AGBL4: variants seen among roughly 807,000 people sequenced by gnomAD.
AGBL4 encodes AGBL carboxypeptidase 4, also known as cytosolic carboxypeptidase 6.
A neutral mutation model predicts 66.4 loss-of-function variants in AGBL4; 58 were observed. The observed-to-expected ratio is 0.87, with a 90% confidence interval of 0.71 to 1.09. The LOEUF (loss-of-function observed/expected upper bound fraction) is 1.09. AGBL4 is among the 50% of genes least tolerant of loss of function. The pLI is 0.00. For synonymous variants in AGBL4, 234 were observed against 222.9 expected, an observed-to-expected ratio of 1.05 and a Z score of -0.44; for missense variants, 579 against 631.0, an observed-to-expected ratio of 0.92 and a Z score of 0.88.
At chr1:49,395,827 A>G (rs182290991) in intron 3 of AGBL4, among the ~76,000 whole-genome samples, 7,652 of 91,964 alleles carry the variant, frequency 0.083, 717 homozygotes, top group African/African-American at 0.28. Context: ...ATATATATAT[A>G]TGTGTATATA....
At chr1:49,576,624 G>T (rs183060151) in intron 3 of AGBL4, among the ~76,000 whole-genome samples, 8 of 152,308 alleles carry the variant, frequency 5.3e-5, no homozygotes, top group African/African-American at 1.9e-4. Flanking sequence ...TAGCCATAAA[G>T]TGGGTCATGC....
chr1:49,768,427 T>A (rs1011839004), intron 2 of AGBL4, among the ~76,000 whole-genome samples: 1 of 152,200 alleles, frequency 6.6e-6, no homozygotes, highest in African/African-American at 2.4e-5. Flanking sequence ...ACAAAAATCA[T>A]GTGATCATCT....
chr1:49,637,786 C>T (rs1419348009), intron 3 of AGBL4, among the ~76,000 whole-genome samples: 2 of 151,940 alleles, frequency 1.3e-5, no homozygotes, highest in Non-Finnish European at 1.5e-5. Flanking sequence ...GACTTGACTA[C>T]ATAAAAGCTT....
At chr1:49,749,460 T>C in intron 2 of AGBL4, among the ~76,000 whole-genome samples, 1 of 152,152 alleles carries the variant, frequency 6.6e-6, no homozygotes, top group East Asian at 1.9e-4. Context: ...ACTTTCCTTA[T>C]TAACAGATTA....
rs146531411 is a variant in AGBL4, at chr1:49,315,881, T to C, written c.283-70017A>G. The stretch of plus-strand genomic sequence containing the variant: ...ACCAAGATGTCCTTCAATAGAGTAA[T>C]AGATAAACTGTGGTGCATCTATTTA... On this transcript the variant is annotated intron_variant, in intron 3 of 13. Coordinates refer to ENST00000371839, the MANE Select transcript of AGBL4 (RefSeq NM_032785.4). 3.9e-5 allele frequency among the ~76,000 whole-genome samples: 6 copies of C among 152,168 alleles called. No individual in the cohort carries two copies. The East Asian group carries it at 5.8e-4, about 15-fold the overall frequency.
chr1:48,772,515 C>T (rs1443878612), intron 6 of AGBL4, among the ~76,000 whole-genome samples: 3 of 152,186 alleles, frequency 2.0e-5, no homozygotes, highest in African/African-American at 7.2e-5. Flanking sequence ...TAAAAAATAC[C>T]ATAGGTCTCA....
At chr1:49,786,471 G>A (rs531771571) in intron 2 of AGBL4, among the ~76,000 whole-genome samples, 39 of 152,150 alleles carry the variant, frequency 2.6e-4, no homozygotes, top group African/African-American at 8.7e-4. Context: ...GTTTCATTGA[G>A]AACACTTATT....
intron 3 of AGBL4, among the ~76,000 whole-genome samples, chr1:49,578,484 T>C (rs1009599385): frequency 1.3e-5 from 2 of 152,262 alleles, no homozygotes; most frequent in African/African-American, 2.4e-5. Flanking sequence ...ATACCAGCTA[T>C]GACCACATGA....
intron 1 of AGBL4, among the ~76,000 whole-genome samples, chr1:49,897,842 C>T (rs543537576): frequency 1.1e-4 from 17 of 151,756 alleles, no homozygotes; most frequent in Non-Finnish European, 2.1e-4. Context: ...TCACTTTCAA[C>T]AAAGATGCAA....
At chr1:48,970,661 C>T (rs1658827804) in intron 5 of AGBL4, among the ~76,000 whole-genome samples, 1 of 152,088 alleles carries the variant, frequency 6.6e-6, no homozygotes, top group Non-Finnish European at 1.5e-5. Context: ...TATTTAGGTT[C>T]TCATCAGGAA....
intron 9 of AGBL4, among the ~76,000 whole-genome samples, chr1:48,632,386 G>A (rs949966411): frequency 8.5e-5 from 13 of 152,156 alleles, no homozygotes; most frequent in Non-Finnish European, 1.5e-4. Context: ...ATGAGCGCCC[G>A]GTTGTTTGTG....
intron 4 of AGBL4, among the ~76,000 whole-genome samples, chr1:49,046,849 C>T (rs568350165): frequency 6.6e-6 from 1 of 152,238 alleles, no homozygotes; most frequent in Admixed American, 6.5e-5. Flanking sequence ...AAGGGATGCT[C>T]CTGGGGAGTG....
At chr1:49,412,377 A>G (rs991939802) in intron 3 of AGBL4, among the ~76,000 whole-genome samples, 24 of 152,114 alleles carry the variant, frequency 1.6e-4, no homozygotes, top group Admixed American at 6.5e-5. Flanking sequence ...CACTAATCCC[A>G]TTAATGGGAT....
intron 5 of AGBL4, among the ~76,000 whole-genome samples, chr1:48,893,345 T>A (rs1329252607): frequency 6.6e-6 from 1 of 151,870 alleles, no homozygotes; most frequent in Non-Finnish European, 1.5e-5. Context: ...AGTAATGAGG[T>A]CATGAGGGTG....
At chr1:50,008,984 A>C (rs1447300691) in intron 1 of AGBL4, among the ~76,000 whole-genome samples, 1 of 152,218 alleles carries the variant, frequency 6.6e-6, no homozygotes, top group Admixed American at 6.5e-5. Context: ...ACCAATAACA[A>C]GTAATGAGGT....
At chr1:49,938,333 C>T (rs1210399033) in intron 1 of AGBL4, among the ~76,000 whole-genome samples, 1 of 152,158 alleles carries the variant, frequency 6.6e-6, no homozygotes, top group East Asian at 1.9e-4. Context: ...ATAACAGGCT[C>T]TGAAATTGTG....
chr1:49,325,176 C>T (rs868666600), intron 3 of AGBL4, among the ~76,000 whole-genome samples: 5 of 152,200 alleles, frequency 3.3e-5, no homozygotes, highest in African/African-American at 4.8e-5. Context: ...GTGCCTGCCA[C>T]CACGCCCAGC....
chr1:49,371,240 G>GATAC (rs1284939033), intron 3 of AGBL4, among the ~76,000 whole-genome samples: 16 of 136,024 alleles, frequency 1.2e-4, no homozygotes, highest in East Asian at 6.5e-4. Context: ...TAGATAGATA[G>GATAC]ATAGATAGAT....
At chr1:48,903,516 T>C (rs1349526324) in intron 5 of AGBL4, among the ~76,000 whole-genome samples, 2 of 152,224 alleles carry the variant, frequency 1.3e-5, no homozygotes, top group African/African-American at 4.8e-5. Context: ...CTCAGCTCAA[T>C]GGGAGACTCT....
Sources: gnomAD v4.1 joint callset for allele counts (sites outside exome capture counted in the v4.1 genomes callset) on GRCh38, gnomAD v4.1.1 for gene constraint, MANE v1.5 for transcripts, NCBI Gene and HGNC (gene_info 2026-07-23, HGNC 2026-07-21) for gene names.